DAB1: variants seen among roughly 807,000 people sequenced by gnomAD.
DAB1 encodes DAB adaptor protein 1.
Under a neutral mutation model 64.6 loss-of-function variants are expected in DAB1, and 15 were observed. That is an observed-to-expected ratio of 0.23 (90% confidence interval 0.16 to 0.36). DAB1 has a LOEUF of 0.36. Ranked by LOEUF, DAB1 falls within the 10% of genes least tolerant of loss-of-function variation. The pLI, the probability that DAB1 is intolerant of heterozygous loss-of-function variation, is 1.00. For synonymous variants in DAB1, 235 were observed against 251.9 expected, an observed-to-expected ratio of 0.93 and a Z score of 0.64; for missense variants, 596 against 706.7, an observed-to-expected ratio of 0.84 and a Z score of 1.78.
rs184198310 is a variant in DAB1, at chr1:57,230,049, A to T, written c.67+60915T>A. On this transcript the variant is annotated intron_variant, in intron 2 of 14. Coordinates refer to ENST00000371236, the MANE Select transcript of DAB1 (RefSeq NM_001365792.1). ...TATTTCTCCTTCAGAACCCATGAAA[A>T]ATATATGGTGATTGCATAGCCTTTC... 1.6e-3 allele frequency among the ~76,000 whole-genome samples: 245 copies of T among 152,340 alleles called. 2 individuals are homozygous for T. Among genetic ancestry groups the T allele is most frequent in the African/African-American group, 5.5e-3 (227 of 41,584 alleles).
intron 2 of DAB1, among the ~76,000 whole-genome samples, chr1:57,209,361 C>T (rs536427854): frequency 6.6e-6 from 1 of 152,354 alleles, no homozygotes; most frequent in South Asian, 2.1e-4. Context: ...TGCTCTTCCG[C>T]TGCTGCAAAG....
intron 4 of DAB1, among the ~76,000 whole-genome samples, chr1:58,319,484 C>G (rs969710137): frequency 6.6e-6 from 1 of 152,072 alleles, no homozygotes; most frequent in African/African-American, 2.4e-5. Context: ...ACTGAGGACC[C>G]CAAACATTCT....
chr1:57,529,934 A>G (rs1158209400), intron 7 of DAB1, among the ~76,000 whole-genome samples: 1 of 152,064 alleles, frequency 6.6e-6, no homozygotes, highest in Non-Finnish European at 1.5e-5. Context: ...TTCAATACAC[A>G]TTTATCAAGT....
At chr1:58,475,221 T>C (rs1237271017) in intron 3 of DAB1, among the ~76,000 whole-genome samples, 1 of 152,160 alleles carries the variant, frequency 6.6e-6, no homozygotes, top group Non-Finnish European at 1.5e-5. Context: ...AGTGGCACGA[T>C]CTCGGCTCAC....
At chr1:57,244,156 AT>A (rs1397157668) in intron 2 of DAB1, among the ~76,000 whole-genome samples, 1 of 152,072 alleles carries the variant, frequency 6.6e-6, no homozygotes, top group Non-Finnish European at 1.5e-5. Context: ...TTTTATTCCA[AT>A]TGCATTTTCT....
At chr1:58,329,800 C>T (rs946460551) in intron 4 of DAB1, among the ~76,000 whole-genome samples, 1 of 152,070 alleles carries the variant, frequency 6.6e-6, no homozygotes, top group Non-Finnish European at 1.5e-5. Context: ...GTGAATAGCG[C>T]CCATTTTTTA....
rs1296802439 is a variant in DAB1 at position 58,263,282 on chromosome 1, C to T, written n.309+80070G>A. Among the ~76,000 whole-genome samples, 4 of 152,096 alleles carry T rather than the reference C, an allele frequency of 2.6e-5. No homozygotes were observed. In the East Asian group the frequency reaches 5.8e-4, roughly 22 times the overall value. On this transcript the variant is annotated intron_variant and non_coding_transcript_variant, in intron 4 of 20. Transcript: ENST00000485760. ...TTGTTTTAATAGTAATTGATGATAG[C>T]CGACATTTATTGAATCATTACTACA... is the stretch of plus-strand genomic sequence containing the variant.
intron 4 of DAB1, among the ~76,000 whole-genome samples, chr1:58,155,613 C>T (rs1655180976): frequency 6.6e-6 from 1 of 152,112 alleles, no homozygotes; most frequent in African/African-American, 2.4e-5. Context: ...AAGTTAAGAA[C>T]AAAAGGATAG....
chr1:57,025,168 T>A (rs1570529913), intron 10 of DAB1, among the ~76,000 whole-genome samples: 1 of 152,196 alleles, frequency 6.6e-6, no homozygotes, highest in Admixed American at 6.5e-5. Context: ...CCTCCGGGAA[T>A]GGGCAGGGGA....
chr1:58,290,882 G>A (rs535513026), intron 4 of DAB1, among the ~76,000 whole-genome samples: 2 of 152,160 alleles, frequency 1.3e-5, no homozygotes, highest in Admixed American at 6.5e-5. Context: ...GAGAGGTGCC[G>A]CATTGCTGAG....
intron 8 of DAB1, among the ~76,000 whole-genome samples, chr1:57,064,685 A>G (rs1374757887): frequency 2.0e-5 from 3 of 152,098 alleles, no homozygotes; most frequent in Non-Finnish European, 2.9e-5. Flanking sequence ...TACTATTCAG[A>G]CAGTTGTTTC....
intron 4 of DAB1, among the ~76,000 whole-genome samples, chr1:58,168,321 C>G (rs1570440142): frequency 6.6e-6 from 1 of 152,170 alleles, no homozygotes; most frequent in African/African-American, 2.4e-5. Context: ...GTCCCAACAA[C>G]AAGCTGGTTG....
chr1:57,794,395 T>C (rs77657113), intron 6 of DAB1, among the ~76,000 whole-genome samples: 15 of 152,364 alleles, frequency 9.8e-5, no homozygotes, highest in African/African-American at 3.4e-4. Context: ...AGTTTCTGTA[T>C]TGCTTCTTGT....
intron 2 of DAB1, among the ~76,000 whole-genome samples, chr1:57,168,775 G>C (rs1211904249): frequency 6.6e-6 from 1 of 152,280 alleles, no homozygotes; most frequent in East Asian, 1.9e-4. Flanking sequence ...AGAGAAATCA[G>C]CTGGGTGCAG....
chr1:58,056,726 C>T (rs914330211), intron 5 of DAB1, among the ~76,000 whole-genome samples: 6 of 152,158 alleles, frequency 3.9e-5, no homozygotes, highest in Non-Finnish European at 7.3e-5. Context: ...CTTTTGTCCT[C>T]CGGTTGAGGT....
intron 1 of DAB1, among the ~76,000 whole-genome samples, chr1:57,300,664 C>G (rs950848606): frequency 2.0e-5 from 3 of 152,232 alleles, no homozygotes; most frequent in African/African-American, 7.2e-5. Flanking sequence ...GCCAGTGAGG[C>G]GCTTGAAACG....
downstream of DAB1, among the ~76,000 whole-genome samples, chr1:57,823,094 C>T (rs1208493902): frequency 6.7e-6 from 1 of 150,006 alleles, no homozygotes; most frequent in Non-Finnish European, 1.5e-5. Context: ...AAGCAATTCT[C>T]CTGCCTCAGC....
At chr1:58,293,914 G>A (rs1209948143) in intron 4 of DAB1, among the ~76,000 whole-genome samples, 1 of 152,202 alleles carries the variant, frequency 6.6e-6, no homozygotes, top group Non-Finnish European at 1.5e-5. Context: ...GAGATACTCT[G>A]AGAGTCCTCC....
At chr1:58,096,557 T>A (rs1281461053) in intron 5 of DAB1, among the ~76,000 whole-genome samples, 1 of 152,216 alleles carries the variant, frequency 6.6e-6, no homozygotes, top group Non-Finnish European at 1.5e-5. Flanking sequence ...AAGACAATGA[T>A]ACTTTGTTAT....
Sources: gnomAD v4.1 joint callset for allele counts (sites outside exome capture counted in the v4.1 genomes callset) on GRCh38, gnomAD v4.1.1 for gene constraint, MANE v1.5 for transcripts, NCBI Gene and HGNC (gene_info 2026-07-23, HGNC 2026-07-21) for gene names.